TENM2: variants seen among roughly 807,000 people sequenced by gnomAD.
The protein encoded by TENM2 is teneurin transmembrane protein 2.
A neutral mutation model predicts 245.2 loss-of-function variants in TENM2; 52 were observed. The ratio of observed to expected loss-of-function variants is 0.21; its 90% CI spans 0.17 to 0.27. TENM2 has a LOEUF of 0.27. Among genes scored for constraint, TENM2 ranks in the 10% least tolerant of loss-of-function variants. The pLI is 1.00. For synonymous variants in TENM2, 1,363 were observed against 1,438.9 expected, an observed-to-expected ratio of 0.95 and a Z score of 1.19; for missense variants, 3,046 against 3,666.8, an observed-to-expected ratio of 0.83 and a Z score of 4.37.
chr5:168,197,549 A>T (rs975266786), intron 15 of TENM2, among the ~76,000 whole-genome samples: 1 of 152,072 alleles, frequency 6.6e-6, no homozygotes, highest in Non-Finnish European at 1.5e-5. Context: ...AAATACAAAA[A>T]GTTAGCCAGG....
intron 2 of TENM2, among the ~76,000 whole-genome samples, chr5:167,689,852 T>C (rs1209263941): frequency 6.6e-6 from 1 of 152,100 alleles, no homozygotes; most frequent in Non-Finnish European, 1.5e-5. Flanking sequence ...TCTCCACCTC[T>C]TGGGTTCAAG....
At chr5:167,209,344 A>G in the TENM2 span, among the ~76,000 whole-genome samples, 41,227 of 150,644 alleles carry the variant, frequency 0.27, 8,204 homozygotes, top group African/African-American at 0.57. Flanking sequence ...GCTCACTGCA[A>G]CCTCCACCTC....
the TENM2 span, among the ~76,000 whole-genome samples, chr5:167,228,707 A>T: frequency 1.3e-5 from 2 of 148,746 alleles, no homozygotes; most frequent in Non-Finnish European, 3.0e-5. Flanking sequence ...ACTTCTTCCA[A>T]TTTTTTTTTA....
At chr5:167,985,355 T>A (rs554292157) in intron 4 of TENM2, among the ~76,000 whole-genome samples, 1 of 152,338 alleles carries the variant, frequency 6.6e-6, no homozygotes, top group African/African-American at 2.4e-5. Flanking sequence ...GTTTATTTAC[T>A]GGGGAGGTCA....
intron 2 of TENM2, among the ~76,000 whole-genome samples, chr5:167,656,740 A>G (rs1283148142): frequency 6.6e-6 from 1 of 152,144 alleles, no homozygotes; most frequent in Non-Finnish European, 1.5e-5. Context: ...CAAATTAAAG[A>G]AATCCCAGTT....
the TENM2 span, among the ~76,000 whole-genome samples, chr5:167,162,517 A>T: frequency 1.3e-5 from 2 of 151,892 alleles, no homozygotes; most frequent in African/African-American, 4.8e-5. Context: ...AATCCCAGCT[A>T]CTTGGGAGGC....
At chr5:167,597,769 T>TGGA (rs1776323592) in intron 2 of TENM2, among the ~76,000 whole-genome samples, 1 of 152,242 alleles carries the variant, frequency 6.6e-6, no homozygotes, top group South Asian at 2.1e-4. Flanking sequence ...CATATTTCCA[T>TGGA]ATTTTCATAG....
chr5:167,203,193 T>C, the TENM2 span, among the ~76,000 whole-genome samples: 1 of 152,118 alleles, frequency 6.6e-6, no homozygotes, highest in South Asian at 2.1e-4. Flanking sequence ...GGCTCTCTGT[T>C]CCCTGCATTT....
chr5:168,255,587 G>A (rs1269405591), intron 27 of TENM2, among the ~76,000 whole-genome samples: 2 of 152,092 alleles, frequency 1.3e-5, no homozygotes, highest in Non-Finnish European at 1.5e-5. Flanking sequence ...TTACAGGCAT[G>A]AGCCACCACG....
intron 2 of TENM2, among the ~76,000 whole-genome samples, chr5:167,528,388 C>T (rs900744343): frequency 6.6e-6 from 1 of 152,070 alleles, no homozygotes; most frequent in Non-Finnish European, 1.5e-5. Context: ...GTGAACAAAG[C>T]ATGGGTACTG....
chr5:167,044,064 G>GGAAA, the TENM2 span, among the ~76,000 whole-genome samples: 1 of 151,598 alleles, frequency 6.6e-6, no homozygotes, highest in Non-Finnish European at 1.5e-5. Context: ...AAGGAAGGAA[G>GGAAA]GAAGGAAGGA....
At chr5:167,142,942 G>A in the TENM2 span, among the ~76,000 whole-genome samples, 36 of 152,250 alleles carry the variant, frequency 2.4e-4, no homozygotes, top group African/African-American at 7.7e-4. Context: ...AAGCATCTGC[G>A]GGAACATTGA....
chr5:167,430,838 C>T (rs1276935348), intron 2 of TENM2, among the ~76,000 whole-genome samples: 1 of 152,122 alleles, frequency 6.6e-6, no homozygotes, highest in Non-Finnish European at 1.5e-5. Flanking sequence ...AATGTCAGAG[C>T]CAAACAATAC....
intron 2 of TENM2, among the ~76,000 whole-genome samples, chr5:167,695,550 C>A (rs1757702453): frequency 6.6e-6 from 1 of 152,048 alleles, no homozygotes; most frequent in South Asian, 2.1e-4. Context: ...CTCTCTAAAA[C>A]ATATGAATTT....
chr5:167,881,280 C>T (rs945763144), intron 3 of TENM2, among the ~76,000 whole-genome samples: 5 of 152,170 alleles, frequency 3.3e-5, no homozygotes, highest in African/African-American at 1.2e-4. Context: ...GCTGATAATA[C>T]TATCTTGCTC....
chr5:167,169,570 A>G, the TENM2 span, among the ~76,000 whole-genome samples: 1 of 152,192 alleles, frequency 6.6e-6, no homozygotes, highest in African/African-American at 2.4e-5. Context: ...ATTTTGAGAA[A>G]TAAATGAGAC....
the TENM2 span, among the ~76,000 whole-genome samples, chr5:167,115,518 T>G: frequency 2.0e-5 from 3 of 152,162 alleles, no homozygotes; most frequent in Admixed American, 6.6e-5. Flanking sequence ...ATCACTAAAC[T>G]TGACTCATTT....
intron 10 of TENM2, among the ~76,000 whole-genome samples, chr5:168,122,547 T>C (rs1447851278): frequency 6.6e-6 from 1 of 152,178 alleles, no homozygotes; most frequent in East Asian, 1.9e-4. Context: ...CCACCCTAAA[T>C]GGAGCAAATC....
chr5:167,359,424 A>C (rs1759561226), intron 1 of TENM2, among the ~76,000 whole-genome samples: 1 of 152,268 alleles, frequency 6.6e-6, no homozygotes, highest in East Asian at 1.9e-4. Context: ...TTACTTAAGT[A>C]GTTTTTTTAA....
Sources: gnomAD v4.1 joint callset for allele counts (sites outside exome capture counted in the v4.1 genomes callset) on GRCh38, gnomAD v4.1.1 for gene constraint, MANE v1.5 for transcripts, NCBI Gene and HGNC (gene_info 2026-07-23, HGNC 2026-07-21) for gene names.